The following ERG28 variants were observed in gnomAD, a reference collection of about 807,000 sequenced individuals.
ERG28 encodes ergosterol biosynthetic protein 28 homolog.
In ERG28, 9 loss-of-function variants were observed where a neutral mutation model predicts 15.7. That is an observed-to-expected ratio of 0.57 (90% CI 0.35 to 1.00). The LOEUF (loss-of-function observed/expected upper bound fraction) is 1.00. Among genes scored for constraint, ERG28 ranks in the 50% least tolerant of loss-of-function variants. The pLI, the probability that ERG28 is intolerant of heterozygous loss-of-function variation, is 0.02. For synonymous variants in ERG28, 61 were observed against 68.4 expected, an observed-to-expected ratio of 0.89 and a Z score of 0.53; for missense variants, 117 against 173.3, an observed-to-expected ratio of 0.68 and a Z score of 1.82.
intron 1 of ERG28, among the ~76,000 whole-genome samples, chr14:75,657,875 T>C (rs927565840): frequency 6.6e-6 from 1 of 152,220 alleles, no homozygotes; most frequent in Non-Finnish European, 1.5e-5. Flanking sequence ...TGATGACGGA[T>C]TCTTCCAAGT....
chr14:75,660,582 C>T, intron 1 of ERG28, among the ~76,000 whole-genome samples, 193 bp downstream of exon 1: 1 of 152,310 alleles, frequency 6.6e-6, no homozygotes, highest in South Asian at 2.1e-4. Context: ...TCCTTCGTTC[C>T]TTGAATTCAC....
intron 1 of ERG28, among the ~76,000 whole-genome samples, chr14:75,657,766 A>G (rs1890616975): frequency 6.6e-6 from 1 of 152,202 alleles, no homozygotes; most frequent in Non-Finnish European, 1.5e-5. Flanking sequence ...TCAGTCCTCT[A>G]TCTTTACTTC....
chr14:75,651,119 C>CTCGGTGGTCGCCGTATCATTAA lies in ERG28; in HGVS notation c.*435_*436insTTAATGATACGGCGACCACCGA. ...CAGAGAGGAGCCCAACCTGCGTGGA[C>CTCGGTGGTCGCCGTATCATTAA]AACCCCTTGAGGCAGCCCTTGGTCA... On this transcript the variant is annotated 3_prime_UTR_variant, in exon 5 of 5. Transcript: ENST00000256319. The CTCGGTGGTCGCCGTATCATTAA allele has an allele frequency of 6.2e-6, 1 of 160,400 alleles. No individual in the cohort carries two copies. The highest frequency in any genetic ancestry group is 1.7e-4 in the South Asian group (1 of 5,990). 9.9% of individuals were successfully genotyped at this position (160,400 alleles called of 1,614,324 possible).
At chr14:75,655,628 T>C (rs1389549210) in intron 2 of ERG28, among the ~76,000 whole-genome samples, 1 of 152,228 alleles carries the variant, frequency 6.6e-6, no homozygotes, top group African/African-American at 2.4e-5. Flanking sequence ...CCTGAAAGTA[T>C]AGGTCATATT....
chr14:75,652,696 A>G (rs1003681299), intron 3 of ERG28, among the ~76,000 whole-genome samples: 2 of 152,124 alleles, frequency 1.3e-5, no homozygotes, highest in African/African-American at 4.8e-5. Flanking sequence ...ATAAAAACTT[A>G]CAGAGAAGAG....
intron 1 of ERG28, among the ~76,000 whole-genome samples, chr14:75,659,864 G>A (rs1890655677): frequency 3.3e-5 from 1 of 30,158 alleles, no homozygotes; most frequent in African/African-American, 1.7e-4. Flanking sequence ...GTGAAACACC[G>A]CCGCCCCCCC....
intron 2 of ERG28, among the ~76,000 whole-genome samples, chr14:75,655,706 C>A (rs898361094): frequency 2.0e-5 from 3 of 152,200 alleles, no homozygotes; most frequent in African/African-American, 4.8e-5. Flanking sequence ...TATAAAATTA[C>A]AAGGCCTGGG....
Position 75,657,262 on chromosome 14 carries a change from T to G in ERG28, c.133+108A>C, listed in dbSNP as rs1890611021. The G allele has an allele frequency of 2.9e-6, 4 of 1,360,246 alleles. No individual in the cohort carries two copies. In the East Asian group the frequency reaches 9.3e-5, roughly 32 times the overall value. 84.3% of individuals were successfully genotyped at this position (1,360,246 alleles called of 1,614,324 possible). On this transcript the variant is annotated intron_variant, in intron 2 of 4. Transcript: ENST00000256319. ...GGTGAGGGAAATGGGTACCTGTGTT[T>G]GTTGACGTTTCCTAGGTTACTCTGA...
intron 3 of ERG28, among the ~76,000 whole-genome samples, chr14:75,652,817 C>CTTTTTTTTT (rs59570063): frequency 1.4e-4 from 13 of 96,228 alleles, no homozygotes; most frequent in Non-Finnish European, 2.0e-4. Context: ...ATTTTTACAC[C>CTTTTTTTTT]TTTTTTTTTT....
Position 75,650,982 on chromosome 14 carries a change from C to A in ERG28, c.*573G>T, listed in dbSNP as rs1021986824. On this transcript the variant is annotated 3_prime_UTR_variant, in exon 5 of 5. Coordinates refer to ENST00000256319, the MANE Select transcript of ERG28 (RefSeq NM_007176.4). ...CTAAAAACAGCCCAGACTCTTCCAA[C>A]CCTCATGCATCTGTAGATAGAAGGA... is the stretch of plus-strand genomic sequence containing the variant. The A allele has an allele frequency of 2.0e-5, 3 of 153,316 alleles. No individual in the cohort carries two copies. The highest frequency in any genetic ancestry group is 7.2e-5 in the African/African-American group (3 of 41,456). 9.5% of individuals were successfully genotyped at this position (153,316 alleles called of 1,614,324 possible).
rs1566801682 is a variant in ERG28 at position 75,651,791 on chromosome 14, AG to A, written c.322del (p.Leu108TrpfsTer4). On this transcript the variant is annotated frameshift_variant, in exon 4 of 5. Coordinates refer to ENST00000256319, the MANE Select transcript of ERG28 (RefSeq NM_007176.4). LOFTEE classifies it high-confidence loss of function. ...YGTAAPTIGV[L>X]APLMVASFSI... ...CTTACTTGCCACCATCAGGGGTGCC[AG>A]GACGCCAATCGTGGGAGCTGCAGTT... 1 of 1,613,940 alleles carries A rather than the reference AG, an allele frequency of 6.2e-7. No individual in the cohort carries two copies. Among genetic ancestry groups the A allele is most frequent in the Non-Finnish European group, 8.5e-7 (1 of 1,179,762 alleles).
chr14:75,657,970 G>A (rs1040492191), intron 1 of ERG28, among the ~76,000 whole-genome samples: 1 of 152,148 alleles, frequency 6.6e-6, no homozygotes, highest in South Asian at 2.1e-4. Context: ...TGGTTCTCAG[G>A]TATACCATGC....
At chr14:75,660,094 T>G (rs752369234) in intron 1 of ERG28, among the ~76,000 whole-genome samples, 36 of 152,238 alleles carry the variant, frequency 2.4e-4, no homozygotes, top group Middle Eastern at 3.2e-3. Context: ...CTCCGGGGTT[T>G]AGAAAAGCTG....
intron 2 of ERG28, 137 bp downstream of exon 2, chr14:75,657,233 G>T: frequency 3.7e-6 from 4 of 1,086,994 alleles, no homozygotes; most frequent in Non-Finnish European, 5.2e-6. Flanking sequence ...CAATAAATAG[G>T]TTTGGTGAGG....
rs974920289 is a variant in ERG28 at position 75,655,055 on chromosome 14, G to T, written c.134-79C>A. On this transcript the variant is annotated intron_variant, in intron 2 of 4. Coordinates refer to ENST00000256319, the MANE Select transcript of ERG28 (RefSeq NM_007176.4). ...CCAAACTCCTCCTATTTCACTGGTG[G>T]TTCATGGGAGATAGGGAGCTGGACC... The T allele has an allele frequency of 2.9e-6, 4 of 1,396,492 alleles. No individual in the cohort carries two copies. The African/African-American group carries it at 5.7e-5, about 20-fold the overall frequency. The allele number at this position is 1,396,492 out of a possible 1,614,324, so 86.5% of individuals were successfully genotyped here.
At chr14:75,660,368 G>T (rs1288278381) in intron 1 of ERG28, among the ~76,000 whole-genome samples, 2 of 152,208 alleles carry the variant, frequency 1.3e-5, no homozygotes, top group Non-Finnish European at 2.9e-5. Flanking sequence ...TTAATCAGGA[G>T]AAAGGGATTC....
Position 75,651,492 on chromosome 14 carries a change from C to T in ERG28, c.*63G>A, listed in dbSNP as rs903060214. 4.9e-5 allele frequency: 72 copies of T among 1,462,322 alleles called. No individual in the cohort carries two copies. Among genetic ancestry groups the T allele is most frequent in the Admixed American group, 1.0e-4 (6 of 57,352 alleles). The allele number at this position is 1,462,322 out of a possible 1,614,324, so 90.6% of individuals were successfully genotyped here. ...TAGAAAAGAAATTAAAGAGGAGAGA[C>T]GACGAAGGAAGAAGATGGCCAAGGT... is the stretch of plus-strand genomic sequence containing the variant. On this transcript the variant is annotated 3_prime_UTR_variant, in exon 5 of 5. Transcript: ENST00000256319.
In ERG28 at chr14:75,657,445, T is replaced by C. The variant is rs762801885; in HGVS notation, c.58A>G (p.Met20Val). 11 of 1,613,968 alleles carry C rather than the reference T, an allele frequency of 6.8e-6. No homozygotes were observed. The highest frequency in any genetic ancestry group is 1.3e-5 in the African/African-American group (1 of 74,850). The change falls in exon 2 of 5, where the codon ATG becomes GTG. Residue 20 changes from methionine to valine, a missense_variant. Coordinates refer to ENST00000256319, the MANE Select transcript of ERG28 (RefSeq NM_007176.4). ...CGGAAGCTCTGCAGCGTGTTCCCCATGGCTATGATGGACACCATAACCAGC... is the reference window on the plus strand; with the variant it reads ...CGGAAGCTCTGCAGCGTGTTCCCCACGGCTATGATGGACACCATAACCAGC... ...SWLVMVSIIA[M>V]GNTLQSFRDH...
chr14:75,654,599 G>A (rs1249118802), intron 3 of ERG28, among the ~76,000 whole-genome samples: 1 of 152,208 alleles, frequency 6.6e-6, no homozygotes, highest in East Asian at 1.9e-4. Context: ...AGTAGAAGAA[G>A]GGCTGATTCT....
Sources: gnomAD v4.1 joint callset for allele counts (sites outside exome capture counted in the v4.1 genomes callset) on GRCh38, gnomAD v4.1.1 for gene constraint, MANE v1.5 for transcripts, NCBI Gene and HGNC (gene_info 2026-07-23, HGNC 2026-07-21) for gene names.